Variants in PIK3R2 observed in about 807,000 individuals in gnomAD.
PIK3R2 encodes phosphatidylinositol 3-kinase regulatory subunit beta.
PIK3R2 carries 40 observed loss-of-function variants against 78.5 expected under a neutral mutation model. The observed-to-expected ratio is 0.51, with a 90% CI of 0.40 to 0.66. The LOEUF (loss-of-function observed/expected upper bound fraction) is 0.66, where lower values mean the gene tolerates loss of function less well. Ranked by LOEUF, PIK3R2 falls within the 30% of genes least tolerant of loss-of-function variation. The pLI is 0.00. For synonymous variants in PIK3R2, 473 were observed against 457.7 expected (o/e 1.03, Z -0.43); for missense variants, 880 against 1,026.6 (o/e 0.86, Z 1.95).
Position 18,169,335 on chromosome 19 carries a change from G to C in PIK3R2, c.*41G>C. The C allele has an allele frequency of 1.6e-6, 2 of 1,241,692 alleles. No individual in the cohort carries two copies. Among genetic ancestry groups the C allele is most frequent in the Non-Finnish European group, 2.1e-6 (2 of 971,316 alleles). 76.9% of individuals were successfully genotyped at this position (1,241,692 alleles called of 1,614,324 possible). ...CCCAAGCAGAGCCGCCCCTGGGCCC[G>C]TCTGCGCCGGAGGCTGCGGCGGCGG... is the stretch of plus-strand genomic sequence containing the variant. On this transcript the variant is annotated 3_prime_UTR_variant, in exon 16 of 16. Transcript: ENST00000222254.
chr19:18,166,339 T>G, intron 12 of PIK3R2, 37 bp downstream of exon 12: 1 of 1,569,258 alleles, frequency 6.4e-7, no homozygotes, highest in Non-Finnish European at 8.8e-7. Flanking sequence ...CACCCCACCC[T>G]GATCTGGTGC....
intron 1 of PIK3R2, among the ~76,000 whole-genome samples, chr19:18,154,470 A>T (rs1023033844): frequency 3.1e-4 from 47 of 152,086 alleles, no homozygotes; most frequent in African/African-American, 1.1e-3. Flanking sequence ...CTCTGCAGAG[A>T]CTGGAGGTCC....
chr19:18,162,729 TAA>T, intron 9 of PIK3R2: 1 of 491,144 alleles, frequency 2.0e-6, no homozygotes, highest in Non-Finnish European at 3.7e-6. Flanking sequence ...ACTAAAAAAT[TAA>T]AAAAAAAAAT....
chr19:18,158,144 C>T (rs1382862309), intron 2 of PIK3R2, among the ~76,000 whole-genome samples: 1 of 152,104 alleles, frequency 6.6e-6, no homozygotes, highest in Non-Finnish European at 1.5e-5. Context: ...TGACCCAGGC[C>T]GGGATATTTT....
intron 1 of PIK3R2, among the ~76,000 whole-genome samples, chr19:18,153,684 G>T (rs2043646772): frequency 6.6e-6 from 1 of 152,176 alleles, no homozygotes; most frequent in South Asian, 2.1e-4. Context: ...CGGGTGGCCG[G>T]GTCCACGCAG....
rs945517615 is a variant in PIK3R2 at position 18,155,594 on chromosome 19, C to A, written c.-286C>A. On this transcript the variant is annotated 5_prime_UTR_variant, in exon 2 of 16. In the 5' UTR this introduces an upstream ATG that the reference lacks. Coordinates refer to ENST00000222254, the MANE Select transcript of PIK3R2 (RefSeq NM_005027.4). ...CGTGAGCGGCCTGCCCCAGCCTCAC[C>A]TGCTGATGGAGGACTCAATGGCCCA... 5 of 503,302 alleles carry A rather than the reference C, an allele frequency of 9.9e-6. No individual in the cohort carries two copies. Among genetic ancestry groups the A allele is most frequent in the Non-Finnish European group, 1.0e-5 (3 of 288,074 alleles). The allele number at this position is 503,302 out of a possible 1,614,324, so 31.2% of individuals were successfully genotyped here.
At position 18,166,205 on chromosome 19, in the gene PIK3R2, A is replaced by G. The variant is rs542191971; in HGVS notation, c.1462A>G (p.Ile488Val). The stretch of plus-strand genomic sequence containing the variant: ...TGCAATTGAGGCCTTCAATGAGACT[A>G]TCAAGATCTTTGAAGAGCAGGGCCA... The part of the protein sequence containing the change: ...RTAIEAFNET[I>V]KIFEEQGQTQ... Residue 488 changes from isoleucine (I) to valine (V), a missense_variant, in exon 12 of 16, where the codon ATC becomes GTC. Ile to Val is a conservative substitution (Grantham distance 29, BLOSUM62 3). Transcript: ENST00000222254. The G allele has an allele frequency of 1.9e-6, 3 of 1,613,792 alleles. No homozygotes were observed. The highest frequency in any genetic ancestry group is 1.3e-5 in the African/African-American group (1 of 75,016).
chr19:18,163,665 T>A (rs1292197753), intron 11 of PIK3R2, among the ~76,000 whole-genome samples: 1 of 152,004 alleles, frequency 6.6e-6, no homozygotes, highest in South Asian at 2.1e-4. Context: ...TACAAAAAAA[T>A]TTAAAAATTA....
chr19:18,157,751 TGGCGTTTTCG>T (rs2043693649), intron 2 of PIK3R2, among the ~76,000 whole-genome samples: 2 of 150,818 alleles, frequency 1.3e-5, no homozygotes, highest in Non-Finnish European at 3.0e-5. Context: ...TTTTTTTTTT[TGGCGTTTTCG>T]TTGCAGCTGG....
In PIK3R2 at chr19:18,163,166, G is replaced by A. The variant is rs1317756100; in HGVS notation, c.1290+19G>A. ...CCAGCAGGTCCGTGCTGGCCTGGGA[G>A]CCAGGGAGGGTAGCACCTGGCTGGC... On this transcript the variant is annotated intron_variant, in intron 10 of 15. Transcript: ENST00000222254. 9 of 1,613,538 alleles carry A rather than the reference G, an allele frequency of 5.6e-6. No homozygotes were observed. In the Admixed American group the frequency reaches 1.3e-4, roughly 24 times the overall value.
rs1229275685 is a variant in PIK3R2, at chr19:18,169,267, C to T, written c.2160C>T (p.Gly720=). 2.0e-6 allele frequency: 3 copies of T among 1,522,166 alleles called. No individual in the cohort carries two copies. The highest frequency in any genetic ancestry group is 2.5e-5 in the East Asian group (1 of 40,066). 94.3% of individuals were successfully genotyped at this position (1,522,166 alleles called of 1,614,324 possible). A position where few individuals can be genotyped will look rare whatever the true frequency, so the allele number is the denominator to read the frequency against. Residue 720 remains glycine, a synonymous_variant, in exon 16 of 16, where the codon GGC becomes GGT. Coordinates refer to ENST00000222254, the MANE Select transcript of PIK3R2 (RefSeq NM_005027.4). ...VTLAHPVRAP[G]PGPPPAAR ...TGGCGCACCCAGTGCGCGCCCCGGG[C>T]CCCGGCCCGCCGCCTGCCGCCCGCT... is the stretch of plus-strand genomic sequence containing the variant.
In PIK3R2 at chr19:18,169,392, G is replaced by A. The variant is rs1568640882; in HGVS notation, c.*98G>A. On this transcript the variant is annotated 3_prime_UTR_variant, in exon 16 of 16. Transcript: ENST00000222254. ...CGGACCAGACCAGCCACATCCAGGG[G>A]TCCTCATTTCTCCGGCTCTGGCTCT... is the stretch of plus-strand genomic sequence containing the variant. 1 of 560,488 alleles carries A rather than the reference G, an allele frequency of 1.8e-6. No homozygotes were observed. The allele number at this position is 560,488 out of a possible 1,614,324, so 34.7% of individuals were successfully genotyped here.
chr19:18,153,813 A>G (rs2043648155), intron 1 of PIK3R2, among the ~76,000 whole-genome samples: 1 of 151,982 alleles, frequency 6.6e-6, no homozygotes, highest in Non-Finnish European at 1.5e-5. Flanking sequence ...CGGGGCGCGC[A>G]CACCGGGGCG....
intron 2 of PIK3R2, among the ~76,000 whole-genome samples, chr19:18,158,811 A>C (rs988915011): frequency 6.6e-6 from 1 of 152,072 alleles, no homozygotes; most frequent in Non-Finnish European, 1.5e-5. Flanking sequence ...AACAATGGAA[A>C]TGTTATTTAT....
chr19:18,160,440 C>T (rs374217337), intron 2 of PIK3R2, 31 bp from the exon 3 acceptor site: 177 of 1,350,300 alleles, frequency 1.3e-4, no homozygotes, highest in Non-Finnish European at 1.8e-4. Flanking sequence ...GGAACCCCAC[C>T]AACATGCAAC....
rs765749303 is a variant in PIK3R2 at position 18,160,964 on chromosome 19, G to A, written c.461G>A (p.Arg154His). ...TACCGCCCGGAGCTGCCCGCACCGC[G>A]TACAGGTGAAGGGGAGCCTCAATGG... ...SHYRPELPAP[R>H]TDWSLSDVDQ... The change falls in exon 4 of 16, where the codon CGT becomes CAT. Residue 154 changes from arginine (R) to histidine (H), a missense_variant. This residue lies in a region of PIK3R2 where 456 missense variants were observed against 486.6 expected (regional missense o/e 0.94). Coordinates refer to ENST00000222254, the MANE Select transcript of PIK3R2 (RefSeq NM_005027.4). The A allele has an allele frequency of 3.1e-6, 5 of 1,612,438 alleles. No individual in the cohort carries two copies. In the East Asian group the frequency reaches 6.7e-5, roughly 22 times the overall value.
chr19:18,169,035 A>G, intron 15 of PIK3R2, 52 bp from the exon 16 acceptor site: 1 of 1,582,656 alleles, frequency 6.3e-7, no homozygotes, highest in Non-Finnish European at 8.6e-7. Flanking sequence ...GAACGGGGAA[A>G]GCTTGGCGGG....
At chr19:18,162,737 A>C in intron 9 of PIK3R2, 1 of 603,500 alleles carries the variant, frequency 1.7e-6, no homozygotes, top group Non-Finnish European at 2.9e-6. Flanking sequence ...ATTAAAAAAA[A>C]AAATTAGCCA....
chr19:18,161,426 C>A lies in PIK3R2; in HGVS notation c.746C>A (p.Thr249Asn). The A allele has an allele frequency of 8.2e-7, 1 of 1,212,760 alleles. No homozygotes were observed. The highest frequency in any genetic ancestry group is 1.0e-6 in the Non-Finnish European group (1 of 977,924). 75.1% of individuals were successfully genotyped at this position (1,212,760 alleles called of 1,614,324 possible). Residue 249 changes from threonine to asparagine, a missense_variant, in exon 6 of 16, where the codon ACC (threonine) becomes AAC (asparagine). Thr to Asn is a moderately conservative substitution (Grantham distance 65, BLOSUM62 0). Around this residue, in one of 3 missense-constraint regions of PIK3R2, gnomAD observed 456 missense variants for 486.6 expected, o/e 0.94. Coordinates refer to ENST00000222254, the MANE Select transcript of PIK3R2 (RefSeq NM_005027.4). The surrounding 1 kb of genome is among the most constrained non-coding windows in gnomAD (Gnocchi z 5.3). Reference protein sequence around the residue: ...LGPAVRALGATFGPLLLRAPP... With the variant: ...LGPAVRALGANFGPLLLRAPP... ...CCCGCGGTCCGGGCCCTGGGCGCCACCTTTGGGCCGCTGCTGCTGCGCGCG... is the reference window on the plus strand; with the variant it reads ...CCCGCGGTCCGGGCCCTGGGCGCCAACTTTGGGCCGCTGCTGCTGCGCGCG...
Sources: gnomAD v4.1 joint callset for allele counts (sites outside exome capture counted in the v4.1 genomes callset) on GRCh38, gnomAD v4.1.1 for gene constraint, gnomAD v4.1.1 regional missense constraint, Gnocchi (gnomAD v3.1) non-coding constraint, MANE v1.5 for transcripts, NCBI Gene and HGNC (gene_info 2026-07-23, HGNC 2026-07-21) for gene names.